The following NRK variants were observed in gnomAD, a reference collection of about 807,000 sequenced individuals.
NRK encodes Nik related kinase.
Under a neutral mutation model 125.2 loss-of-function variants are expected in NRK, and 67 were observed. The ratio of observed to expected loss-of-function variants is 0.54; its 90% CI spans 0.44 to 0.66. NRK has a LOEUF of 0.66. NRK is among the 30% of genes least tolerant of loss of function. NRK has a pLI of 0.00. For missense variants in NRK, 1,224 were observed against 1,192.9 expected (o/e 1.03, Z -0.38); for synonymous variants, 458 against 429.0 (o/e 1.07, Z -0.84).
Position 105,909,738 on chromosome X carries a change from A to G in NRK, c.2097A>G (p.Leu699=). 1.7e-6 allele frequency: 2 copies of G among 1,183,184 alleles called. No individual in the cohort carries two copies. The highest frequency in any genetic ancestry group is 2.3e-6 in the Non-Finnish European group (2 of 880,528). Residue 699 remains leucine, a synonymous_variant, in exon 13 of 29, where the codon CTA becomes CTG. Coordinates refer to ENST00000243300, the MANE Select transcript of NRK (RefSeq NM_198465.4). ...STLRQALAKR[L]SPKRFRAKSS... The stretch of plus-strand genomic sequence containing the variant: ...TGAGGCAAGCACTGGCAAAAAGACT[A>G]TCACCAAAGAGGTTCAGGGCAAAGT...
chrX:105,824,301 C>T (rs1352296448), intron 1 of NRK, among the ~76,000 whole-genome samples: 1 of 111,259 alleles, frequency 9.0e-6, no homozygotes, highest in Non-Finnish European at 1.9e-5. Flanking sequence ...ATGAGATTTC[C>T]GGAAAATGGA....
chrX:105,846,470 T>G (rs906592563), intron 2 of NRK, among the ~76,000 whole-genome samples: 3 of 110,557 alleles, frequency 2.7e-5, no homozygotes, highest in Non-Finnish European at 5.7e-5. Flanking sequence ...AATATACTGT[T>G]TTTTTTTTCC....
rs368067604 is a variant in NRK at position 105,908,714 on chromosome X, G to A, written c.1086-13G>A. The A allele has an allele frequency of 1.9e-4, 227 of 1,164,407 alleles. No homozygotes were observed. Among genetic ancestry groups the A allele is most frequent in the Non-Finnish European group, 2.5e-4 (219 of 870,209 alleles). ...TTCTAATTGTATGCCAATCATTTGT[G>A]TGTTTATTTTAGAGGACCCTCTTGC... On this transcript the variant is annotated splice_polypyrimidine_tract_variant and intron_variant, in intron 12 of 28. Transcript: ENST00000243300.
rs1192214787 is a variant in NRK, at chrX:105,906,396, C to T, written c.846-18C>T. On this transcript the variant is annotated intron_variant, in intron 10 of 28. Transcript: ENST00000243300. Reference sequence around the variant, plus strand: ...GACTGAGAACACTTTTTTTTCCTCTCTTTGACTCATTTTTTAGGTCCCGTA... The same window carrying T: ...GACTGAGAACACTTTTTTTTCCTCTTTTTGACTCATTTTTTAGGTCCCGTA... 2.0e-5 allele frequency: 22 copies of T among 1,088,059 alleles called. No individual in the cohort carries two copies. In the Admixed American group the frequency reaches 2.6e-4, roughly 13 times the overall value. 89.7% of individuals were successfully genotyped at this position (1,088,059 alleles called of 1,213,427 possible).
At chrX:105,921,670 T>C (rs1174326575) in intron 16 of NRK, among the ~76,000 whole-genome samples, 1 of 108,827 alleles carries the variant, frequency 9.2e-6, no homozygotes, top group African/African-American at 3.3e-5. Flanking sequence ...TTGGACTATG[T>C]ATCTTCTTAC....
rs1307424758 is a variant in NRK at position 105,895,266 on chromosome X, G to T, written c.490-167G>T. The stretch of plus-strand genomic sequence containing the variant: ...AAAGTCATATTTCTGGGAACGGGTT[G>T]TAGTGATTCCAGCCTAAAGAAAGAA... On this transcript the variant is annotated intron_variant, in intron 6 of 28. Transcript: ENST00000243300. 9.3e-6 allele frequency: 5 copies of T among 537,440 alleles called. No individual in the cohort carries two copies. The South Asian group carries it at 9.7e-5, about 10-fold the overall frequency. 44.3% of individuals were successfully genotyped at this position (537,440 alleles called of 1,213,427 possible).
intron 22 of NRK, among the ~76,000 whole-genome samples, chrX:105,939,559 C>G (rs1483031890): frequency 9.0e-6 from 1 of 110,668 alleles, no homozygotes; most frequent in African/African-American, 3.3e-5. Context: ...CATGAATAGC[C>G]AAGGTACAAA....
intron 8 of NRK, among the ~76,000 whole-genome samples, chrX:105,899,693 G>A (rs771526905): frequency 8.9e-6 from 1 of 111,746 alleles, no homozygotes; most frequent in East Asian, 2.8e-4. Context: ...CTCAAGCTAA[G>A]AAATCTATCA....
At chrX:105,905,223 A>C in intron 9 of NRK, 42 bp from the exon 10 acceptor site, 19 of 948,092 alleles carry the variant, frequency 2.0e-5, no homozygotes, top group Non-Finnish European at 2.7e-5. Context: ...TTCTTTAGTT[A>C]CCCTTCTCAT....
chrX:105,915,712 T>C lies in NRK; in HGVS notation c.2350-18T>C, dbSNP rs373172790. The C allele has an allele frequency of 1.5e-5, 15 of 989,415 alleles. No individual in the cohort carries two copies. The highest frequency in any genetic ancestry group is 2.1e-5 in the Non-Finnish European group (15 of 704,340). 81.5% of individuals were successfully genotyped at this position (989,415 alleles called of 1,213,427 possible). ...TATGATCAAGAATTCTACTGAAGTA[T>C]TGCATTGTGTCTTTAAGGTTCAAGA... On this transcript the variant is annotated intron_variant, in intron 14 of 28. Coordinates refer to ENST00000243300, the MANE Select transcript of NRK (RefSeq NM_198465.4).
At chrX:105,913,187 A>G (rs1197539737) in intron 14 of NRK, among the ~76,000 whole-genome samples, 1 of 111,863 alleles carries the variant, frequency 8.9e-6, no homozygotes, top group Non-Finnish European at 1.9e-5. Flanking sequence ...GGCTTCTCAC[A>G]TATAGGTAGT....
Position 105,909,269 on chromosome X carries a change from A to AC in NRK, c.1630dup (p.Gln544ProfsTer4). ...GCCCCTGAACAACAGCAGAGGCACA[A>AC]CCAGGTGCCTGAACAAGAGCTGGAG... On this transcript the variant is annotated frameshift_variant, in exon 13 of 29. Coordinates refer to ENST00000243300, the MANE Select transcript of NRK (RefSeq NM_198465.4). LOFTEE classifies it high-confidence loss of function. The AC allele has an allele frequency of 8.3e-7, 1 of 1,208,025 alleles. No individual in the cohort carries two copies. Among genetic ancestry groups the AC allele is most frequent in the Non-Finnish European group, 1.1e-6 (1 of 893,377 alleles).
chrX:105,908,614 G>A (rs894810129), intron 12 of NRK, 113 bp from the exon 13 acceptor site: 33 of 998,572 alleles, frequency 3.3e-5, no homozygotes, highest in Middle Eastern at 2.7e-4. Context: ...GTTTACTGAA[G>A]GTATCTTCAT....
chrX:105,895,699 C>A (rs748067968), intron 7 of NRK, among the ~76,000 whole-genome samples, 176 bp downstream of exon 7: 6 of 111,248 alleles, frequency 5.4e-5, no homozygotes, highest in Non-Finnish European at 9.4e-5. Flanking sequence ...GGAGGCGGGG[C>A]AAAAGAAAGA....
chrX:105,884,687 C>T (rs2039920625), intron 4 of NRK, among the ~76,000 whole-genome samples: 1 of 111,970 alleles, frequency 8.9e-6, no homozygotes, highest in African/African-American at 3.2e-5. Context: ...GTGGTTAATC[C>T]CTTAATTATT....
chrX:105,922,727 G>C (rs1390484430), intron 17 of NRK, among the ~76,000 whole-genome samples: 2 of 111,342 alleles, frequency 1.8e-5, no homozygotes, highest in African/African-American at 6.5e-5. Context: ...AACCTGAGCT[G>C]GTAAATTAAC....
intron 2 of NRK, among the ~76,000 whole-genome samples, chrX:105,846,689 C>T (rs985823809): frequency 1.8e-5 from 2 of 111,323 alleles, no homozygotes; most frequent in African/African-American, 6.5e-5. Context: ...TCTCAGCCCT[C>T]GGGAACTTCA....
intron 2 of NRK, among the ~76,000 whole-genome samples, chrX:105,878,506 A>G (rs2039843641): frequency 9.0e-6 from 1 of 111,560 alleles, no homozygotes; most frequent in Non-Finnish European, 1.9e-5. Flanking sequence ...GTCTGATAAA[A>G]GAGAAAATTG....
chrX:105,825,723 GAT>G (rs1404510297), intron 1 of NRK, among the ~76,000 whole-genome samples: 1 of 111,385 alleles, frequency 9.0e-6, no homozygotes. Context: ...TTTATACAAT[GAT>G]ATAACTTTTT....
Sources: allele counts gnomAD v4.1 joint callset (sites outside exome capture counted in the v4.1 genomes callset), GRCh38; gene constraint gnomAD v4.1.1; transcripts MANE v1.5; gene names NCBI Gene and HGNC (gene_info 2026-07-23, HGNC 2026-07-21).